The following ANLN variants were observed in gnomAD, a reference collection of about 807,000 sequenced individuals.
ANLN encodes the protein anillin.
ANLN carries 59 observed loss-of-function variants against 135.1 expected under a neutral mutation model. That is an observed-to-expected ratio of 0.44 (90% CI 0.35 to 0.54). The LOEUF (loss-of-function observed/expected upper bound fraction) is 0.54, where lower values mean the gene tolerates loss of function less well. ANLN is among the 20% of genes least tolerant of loss of function. The pLI is 0.00. For missense variants in ANLN, 1,182 were observed against 1,340.0 expected (o/e 0.88, Z 1.84); for synonymous variants, 406 against 456.4 (o/e 0.89, Z 1.41).
rs528521546 is a variant in ANLN, at chr7:36,412,392, G to A, written c.1395+1226G>A. On this transcript the variant is annotated intron_variant, in intron 7 of 23. Transcript: ENST00000265748. ...TGCCCAGGCTGGAGTGCAATGGCAC[G>A]ATCTTGGCTTACTGCAACCTCCACC... Among the ~76,000 whole-genome samples the A allele has an allele frequency of 4.5e-4, 64 of 142,948 alleles. No individual in the cohort carries two copies. The East Asian group carries it at 0.01, about 23-fold the overall frequency. The allele number at this position is 142,948 out of a possible 152,430, so 93.8% of individuals were successfully genotyped here.
chr7:36,438,705 T>C (rs893433913), intron 20 of ANLN, among the ~76,000 whole-genome samples: 5 of 152,200 alleles, frequency 3.3e-5, no homozygotes, highest in African/African-American at 1.2e-4. Flanking sequence ...AAGTTTTGCG[T>C]TACGTTTTGA....
chr7:36,449,891 T>C, intron 23 of ANLN, 54 bp downstream of exon 23: 1 of 1,533,870 alleles, frequency 6.5e-7, no homozygotes, highest in South Asian at 1.2e-5. Context: ...TTGCCCACTA[T>C]GTACTTACCA....
At chr7:36,426,841 G>A (rs1337687886) in intron 19 of ANLN, 75 bp from the exon 20 acceptor site, 11 of 780,140 alleles carry the variant, frequency 1.4e-5, no homozygotes, top group Non-Finnish European at 2.2e-5. Context: ...CTTCTACTGG[G>A]ATGGGGTGAG....
intron 3 of ANLN, among the ~76,000 whole-genome samples, chr7:36,405,091 T>C (rs1375720284): frequency 6.6e-6 from 1 of 152,194 alleles, no homozygotes; most frequent in African/African-American, 2.4e-5. Flanking sequence ...GGTAGTCTCA[T>C]TATAATGTAT....
At chr7:36,413,905 A>G (rs1462369962) in intron 7 of ANLN, among the ~76,000 whole-genome samples, 1 of 152,006 alleles carries the variant, frequency 6.6e-6, no homozygotes, top group African/African-American at 2.4e-5. Context: ...GAGGCGGGAG[A>G]ATCTCTTGAA....
At chr7:36,445,517 G>A (rs545360857) in intron 22 of ANLN, among the ~76,000 whole-genome samples, 8 of 152,208 alleles carry the variant, frequency 5.3e-5, no homozygotes, top group African/African-American at 1.9e-4. Context: ...GCTTTAGATT[G>A]TCCCCTCTTC....
chr7:36,439,946 AGAG>A (rs1215479351), intron 21 of ANLN, among the ~76,000 whole-genome samples: 1 of 152,224 alleles, frequency 6.6e-6, no homozygotes, highest in African/African-American at 2.4e-5. Flanking sequence ...GATTTTAAGC[AGAG>A]GAAATTATCC....
At position 36,420,216 on chromosome 7, in the gene ANLN, T is replaced by G. The variant is rs779035229; in HGVS notation, c.1917T>G (p.Ser639Arg). The G allele has an allele frequency of 1.2e-6, 2 of 1,613,910 alleles. No individual in the cohort carries two copies. Among genetic ancestry groups the G allele is most frequent in the African/African-American group, 2.7e-5 (2 of 74,900 alleles). Reference sequence around the variant, plus strand: ...TGGAATTGAAAGACACCAGCAGAAGTGATGAAAGTCCAAAACCAGGAAAAT... The same window carrying G: ...TGGAATTGAAAGACACCAGCAGAAGGGATGAAAGTCCAAAACCAGGAAAAT... ...PRLELKDTSR[S>R]DESPKPGKFQ... Residue 639 changes from serine (S) to arginine (R), a missense_variant, in exon 11 of 24, where the codon AGT (serine) becomes AGG (arginine). Physicochemically the swap from Ser to Arg is moderately radical, Grantham distance 110. This residue lies in a region of ANLN where 1,022 missense variants were observed against 1,134.0 expected (regional missense o/e 0.90). Transcript: ENST00000265748.
rs1789299532 is a variant in ANLN at position 36,452,736 on chromosome 7, A to G, written c.*136A>G. The G allele has an allele frequency of 2.1e-6, 2 of 956,322 alleles. No homozygotes were observed. The highest frequency in any genetic ancestry group is 1.6e-5 in the African/African-American group (1 of 61,230). 59.2% of individuals were successfully genotyped at this position (956,322 alleles called of 1,614,324 possible). ...TGCCAATATTCACTACGTATTATGCAGTATTTATATCTTTTGTATGTAAAA... is the reference window on the plus strand; with the variant it reads ...TGCCAATATTCACTACGTATTATGCGGTATTTATATCTTTTGTATGTAAAA... On this transcript the variant is annotated 3_prime_UTR_variant, in exon 24 of 24. Transcript: ENST00000265748.
rs200742993 is a variant in ANLN, at chr7:36,425,997, C to CTTTT, written c.2749-6_2749-3dup. 13 of 1,350,172 alleles carry CTTTT rather than the reference C, an allele frequency of 9.6e-6. No homozygotes were observed. The East Asian group carries it at 9.9e-5, about 10-fold the overall frequency. The allele number at this position is 1,350,172 out of a possible 1,614,324, so 83.6% of individuals were successfully genotyped here. On this transcript the variant is annotated splice_polypyrimidine_tract_variant and intron_variant, in intron 18 of 23. Coordinates refer to ENST00000265748, the MANE Select transcript of ANLN (RefSeq NM_018685.5). ...AATAACTTATGTTTCTTCTTCACAC[C>CTTTT]TTTTTTTTTTTTTTTAGAAAAGCAA... is the stretch of plus-strand genomic sequence containing the variant.
In ANLN at chr7:36,411,071, G is replaced by T; in HGVS notation, c.1300G>T (p.Glu434Ter). ...TTGATGGGTTTAGGAACGTCAAAAA[G>T]AACTAGCATGTCTTCGTGGCCGATT... ...AQQLKQERQK[E>*]LACLRGRFDK... The change falls in exon 7 of 24, where the codon GAA (glutamate) becomes TAA (stop). Residue 434 changes from glutamate (E) to a stop codon, truncating the protein, a stop_gained. Coordinates refer to ENST00000265748, the MANE Select transcript of ANLN (RefSeq NM_018685.5). LOFTEE classifies it high-confidence loss of function. 1 of 1,606,712 alleles carries T rather than the reference G, an allele frequency of 6.2e-7. No homozygotes were observed. Among genetic ancestry groups the T allele is most frequent in the Non-Finnish European group, 8.5e-7 (1 of 1,178,454 alleles).
chr7:36,434,545 A>G (rs1188127735), intron 20 of ANLN, among the ~76,000 whole-genome samples: 1 of 152,160 alleles, frequency 6.6e-6, no homozygotes, highest in African/African-American at 2.4e-5. Flanking sequence ...ATTTTCTTAC[A>G]TGTTTAGGTT....
chr7:36,451,308 C>T (rs1225961141), intron 23 of ANLN, among the ~76,000 whole-genome samples: 2 of 152,086 alleles, frequency 1.3e-5, no homozygotes, highest in African/African-American at 4.8e-5. Flanking sequence ...CTGATCTCTA[C>T]TGCATACTTC....
chr7:36,427,189 GTT>G (rs34986676), intron 20 of ANLN, among the ~76,000 whole-genome samples, 161 bp downstream of exon 20: 14 of 128,478 alleles, frequency 1.1e-4, no homozygotes, highest in East Asian at 2.3e-4. Context: ...GTACCTAAAT[GTT>G]TTTTTTTTTT....
At chr7:36,404,069 C>T (rs1340399415) in intron 3 of ANLN, among the ~76,000 whole-genome samples, 1 of 152,160 alleles carries the variant, frequency 6.6e-6, no homozygotes, top group Non-Finnish European at 1.5e-5. Context: ...CTCCTGGGTT[C>T]AAGCTATTCC....
chr7:36,407,642 G>T (rs938668022), intron 4 of ANLN, 92 bp from the exon 5 acceptor site: 2 of 890,968 alleles, frequency 2.2e-6, no homozygotes, highest in Middle Eastern at 2.6e-4. Context: ...TTACATAAAG[G>T]CTATCAAGTA....
chr7:36,419,188 G>T, intron 9 of ANLN, 56 bp from the exon 10 acceptor site: 1 of 1,272,976 alleles, frequency 7.9e-7, no homozygotes, highest in Non-Finnish European at 1.1e-6. Context: ...TCTTTGTTAT[G>T]CCTTTAATTC....
At chr7:36,427,456 G>A (rs1562809113) in intron 20 of ANLN, among the ~76,000 whole-genome samples, 1 of 151,802 alleles carries the variant, frequency 6.6e-6, no homozygotes, top group Middle Eastern at 3.4e-3. Context: ...TCAGCCTCGC[G>A]GGCTCCCACC....
In ANLN at chr7:36,421,899, C is replaced by T; in HGVS notation, c.2206C>T (p.Gln736Ter). ...AAATATGCAACAGACAGTGATCTAT[C>T]AAGCTAGCCAGGCTCTTAACTGCTG... is the stretch of plus-strand genomic sequence containing the variant. The part of the protein sequence containing the change: ...EINMQQTVIY[Q>*]ASQALNCCVD... The change falls in exon 13 of 24, where the codon CAA (glutamine) becomes TAA (stop). Residue 736 changes from glutamine to a stop codon, truncating the protein, a stop_gained. Coordinates refer to ENST00000265748, the MANE Select transcript of ANLN (RefSeq NM_018685.5). LOFTEE classifies it high-confidence loss of function. The T allele has an allele frequency of 6.2e-7, 1 of 1,613,382 alleles. No individual in the cohort carries two copies. The highest frequency in any genetic ancestry group is 8.5e-7 in the Non-Finnish European group (1 of 1,179,656).
Sources: gnomAD v4.1 joint callset for allele counts (sites outside exome capture counted in the v4.1 genomes callset) on GRCh38, gnomAD v4.1.1 for gene constraint, gnomAD v4.1.1 regional missense constraint, MANE v1.5 for transcripts, NCBI Gene and HGNC (gene_info 2026-07-23, HGNC 2026-07-21) for gene names.